The following SSH2 variants were observed in gnomAD, a reference collection of about 807,000 sequenced individuals.
SSH2 encodes protein phosphatase Slingshot homolog 2.
A neutral mutation model predicts 135.2 loss-of-function variants in SSH2; 37 were observed. That is an observed-to-expected ratio of 0.27 (90% CI 0.21 to 0.36). The LOEUF (loss-of-function observed/expected upper bound fraction) is 0.36. SSH2 is among the 10% of genes least tolerant of loss of function. The probability of loss-of-function intolerance (pLI) is 1.00; values close to 1 mark genes in which losing one functional copy is unlikely to be tolerated. For synonymous variants in SSH2, 628 were observed against 646.2 expected, an observed-to-expected ratio of 0.97 and a Z score of 0.43; for missense variants, 1,408 against 1,765.3, an observed-to-expected ratio of 0.80 and a Z score of 3.63.
chr17:29,810,921 ATTTT>A (rs1183852488), intron 2 of SSH2, among the ~76,000 whole-genome samples: 1 of 151,484 alleles, frequency 6.6e-6, no homozygotes, highest in African/African-American at 2.4e-5. Context: ...AAACATTATG[ATTTT>A]TTTTTGTAAT....
intron 1 of SSH2, among the ~76,000 whole-genome samples, chr17:29,875,094 T>G (rs993728873): frequency 6.6e-6 from 1 of 152,140 alleles, no homozygotes; most frequent in Non-Finnish European, 1.5e-5. Context: ...AGCTGGAGAC[T>G]GTCTGTATAT....
At chr17:29,655,861 ACAG>A (rs1375392461) in intron 11 of SSH2, among the ~76,000 whole-genome samples, 2 of 152,220 alleles carry the variant, frequency 1.3e-5, no homozygotes, top group African/African-American at 4.8e-5. Flanking sequence ...CCATGATCAT[ACAG>A]CAGGAGAGGT....
chr17:29,664,407 A>G (rs1412457205), intron 11 of SSH2, among the ~76,000 whole-genome samples: 2 of 152,012 alleles, frequency 1.3e-5, no homozygotes, highest in African/African-American at 4.8e-5. Flanking sequence ...AGGCAATATT[A>G]TATAATAAAA....
intron 3 of SSH2, among the ~76,000 whole-genome samples, chr17:29,779,988 C>T (rs1256905564): frequency 1.3e-5 from 2 of 151,612 alleles, no homozygotes; most frequent in Admixed American, 6.6e-5. Context: ...TTTGGGAGGC[C>T]GCCGGATCAC....
intron 1 of SSH2, among the ~76,000 whole-genome samples, chr17:29,881,084 TAC>T (rs1373068479): frequency 6.6e-6 from 1 of 152,252 alleles, no homozygotes; most frequent in African/African-American, 2.4e-5. Flanking sequence ...ATCTAAAAGA[TAC>T]AGAGTAGTAT....
intron 1 of SSH2, among the ~76,000 whole-genome samples, chr17:29,850,912 G>A (rs1489031574): frequency 6.6e-6 from 1 of 152,166 alleles, no homozygotes; most frequent in Non-Finnish European, 1.5e-5. Context: ...GTGAACCTGG[G>A]AGGTGGAGGT....
intron 8 of SSH2, chr17:29,674,123 T>G (rs150454703): frequency 4.8e-5 from 22 of 456,726 alleles, no homozygotes; most frequent in Admixed American, 3.3e-4. Flanking sequence ...CCACCAATAG[T>G]ACATCACAGT....
chr17:29,791,926 T>TC, intron 3 of SSH2, among the ~76,000 whole-genome samples: 1 of 150,462 alleles, frequency 6.6e-6, no homozygotes, highest in Non-Finnish European at 1.5e-5. Context: ...TCTTTTTTTT[T>TC]TTTTTTTTTT....
At chr17:29,785,211 G>A (rs550759523) in intron 3 of SSH2, among the ~76,000 whole-genome samples, 1 of 152,168 alleles carries the variant, frequency 6.6e-6, no homozygotes, top group Non-Finnish European at 1.5e-5. Flanking sequence ...CTGGAATTGA[G>A]AGAAGAAATG....
chr17:29,654,361 C>T (rs1006544590), intron 12 of SSH2, among the ~76,000 whole-genome samples: 3 of 152,012 alleles, frequency 2.0e-5, no homozygotes, highest in African/African-American at 4.8e-5. Context: ...CCCCACCCCC[C>T]GGAATTCTTT....
intron 2 of SSH2, among the ~76,000 whole-genome samples, chr17:29,835,575 C>T (rs181179482): frequency 3.2e-4 from 49 of 152,110 alleles, no homozygotes; most frequent in Non-Finnish European, 5.3e-4. Context: ...TCAAGTAAGA[C>T]CAGGAAGTAA....
intron 6 of SSH2, 36 bp from the exon 7 acceptor site, chr17:29,677,777 A>G (rs1323035735): frequency 6.5e-7 from 1 of 1,545,102 alleles, no homozygotes; most frequent in East Asian, 2.2e-5. Context: ...GTTACTCCCC[A>G]TTACTCTGGG....
chr17:29,893,458 T>C (rs921596382), intron 1 of SSH2, among the ~76,000 whole-genome samples: 1 of 152,032 alleles, frequency 6.6e-6, no homozygotes, highest in Non-Finnish European at 1.5e-5. Flanking sequence ...ATACAAGAAG[T>C]GCCATATAAC....
intron 1 of SSH2, among the ~76,000 whole-genome samples, chr17:29,918,212 T>C (rs1374970793): frequency 6.6e-6 from 1 of 152,020 alleles, no homozygotes. Context: ...AATCAAACAG[T>C]ACTTTGATTG....
chr17:29,802,188 C>A (rs1268649337), intron 2 of SSH2, among the ~76,000 whole-genome samples: 1 of 151,476 alleles, frequency 6.6e-6, no homozygotes, highest in African/African-American at 2.5e-5. Flanking sequence ...TATATTCATT[C>A]ATTCTCATTC....
At chr17:29,756,411 C>G (rs1268527851) in intron 3 of SSH2, among the ~76,000 whole-genome samples, 3 of 152,038 alleles carry the variant, frequency 2.0e-5, no homozygotes, top group Non-Finnish European at 2.9e-5. Context: ...GTTAGGACTA[C>G]AGGCATGAAC....
intron 3 of SSH2, among the ~76,000 whole-genome samples, chr17:29,785,805 CTTTTT>C (rs748367220): frequency 8.0e-6 from 1 of 125,124 alleles, no homozygotes; most frequent in African/African-American, 3.0e-5. Flanking sequence ...AGTCCGTTTA[CTTTTT>C]TTTTTTTTTT....
intron 3 of SSH2, among the ~76,000 whole-genome samples, chr17:29,738,528 A>G (rs1388916478): frequency 6.9e-6 from 1 of 145,536 alleles, no homozygotes; most frequent in African/African-American, 2.7e-5. Flanking sequence ...CTGAGGCTTA[A>G]TTTTCTTTTT....
intron 5 of SSH2, among the ~76,000 whole-genome samples, chr17:29,693,692 G>T (rs1256210819): frequency 6.6e-6 from 1 of 151,972 alleles, no homozygotes; most frequent in African/African-American, 2.4e-5. Context: ...TTTTGGTTAG[G>T]ATATAAAACA....
Sources: allele counts gnomAD v4.1 joint callset (sites outside exome capture counted in the v4.1 genomes callset), GRCh38; gene constraint gnomAD v4.1.1; transcripts MANE v1.5; gene names NCBI Gene and HGNC (gene_info 2026-07-23, HGNC 2026-07-21).